Variants in TENM1 observed in about 807,000 individuals in gnomAD.
TENM1 encodes teneurin transmembrane protein 1, also known as teneurin-1.
Under a neutral mutation model 174.8 loss-of-function variants are expected in TENM1, and 35 were observed. That is an observed-to-expected ratio of 0.20 (90% CI 0.15 to 0.27). TENM1 has a LOEUF of 0.27. Ranked by LOEUF, TENM1 falls within the 10% of genes least tolerant of loss-of-function variation. The pLI is 1.00. For missense variants in TENM1, 1,633 were observed against 2,130.1 expected (o/e 0.77, Z 4.59); for synonymous variants, 781 against 798.7 (o/e 0.98, Z 0.37).
chrX:125,063,778 A>G, the TENM1 span, among the ~76,000 whole-genome samples: 154 of 111,584 alleles, frequency 1.4e-3, 1 homozygote, highest in African/African-American at 4.6e-3. Context: ...TAGAACTAGA[A>G]ATACCATTTG....
intron 3 of TENM1, among the ~76,000 whole-genome samples, chrX:124,764,681 G>C (rs1055270257): frequency 4.5e-5 from 4 of 88,741 alleles, no homozygotes; most frequent in African/African-American, 1.6e-4. Context: ...TGTTTGGACT[G>C]TTTTTTTTTT....
intron 5 of TENM1, among the ~76,000 whole-genome samples, chrX:124,688,050 C>CTCTCT (rs1179006772): frequency 9.2e-6 from 1 of 108,162 alleles, no homozygotes; most frequent in Non-Finnish European, 1.9e-5. Flanking sequence ...CTCTCCTCTC[C>CTCTCT]TCTCTTCTCT....
rs556889894 is a variant in TENM1 at position 124,697,247 on chromosome X, G to A, written c.1015+7766C>T. Among the ~76,000 whole-genome samples, 32 of 111,073 alleles carry A rather than the reference G, an allele frequency of 2.9e-4. No individual in the cohort carries two copies. The South Asian group carries it at 0.011, about 40-fold the overall frequency. On this transcript the variant is annotated intron_variant, in intron 5 of 31. Transcript: ENST00000422452. ...GGTCTATGTTAATTAGACTGGCAAC[G>A]CTTTGATGAGGCTTTGACGAGTAGA...
intron 4 of TENM1, among the ~76,000 whole-genome samples, chrX:124,720,853 T>C (rs1354668727): frequency 8.9e-6 from 1 of 111,886 alleles, no homozygotes; most frequent in Non-Finnish European, 1.9e-5. Context: ...TCTTCTTGCC[T>C]ATAGGAAATT....
intron 27 of TENM1, among the ~76,000 whole-genome samples, chrX:124,393,922 C>T (rs1424614851): frequency 1.8e-5 from 2 of 112,400 alleles, no homozygotes; most frequent in African/African-American, 3.2e-5. Context: ...GTGATGTTAC[C>T]ACTTTACACC....
At chrX:124,752,589 A>G (rs1603128596) in intron 3 of TENM1, among the ~76,000 whole-genome samples, 1 of 111,804 alleles carries the variant, frequency 8.9e-6, no homozygotes. Context: ...CTGAATGGTA[A>G]TGCCTAGATT....
intron 5 of TENM1, among the ~76,000 whole-genome samples, chrX:124,697,045 A>T (rs183795800): frequency 9.9e-5 from 11 of 111,431 alleles, no homozygotes; most frequent in Non-Finnish European, 1.5e-4. Context: ...CTTTAATATG[A>T]GCTAAATGAA....
intron 22 of TENM1, among the ~76,000 whole-genome samples, chrX:124,466,562 C>A (rs754561854): frequency 9.0e-6 from 1 of 111,619 alleles, no homozygotes; most frequent in Non-Finnish European, 1.9e-5. Flanking sequence ...TAATGTCATA[C>A]TGTTAAAATT....
chrX:124,503,568 G>A (rs1260670543), exon 19 of TENM1: 2 of 1,202,475 alleles, frequency 1.7e-6, no homozygotes, highest in Non-Finnish European at 2.2e-6. Flanking sequence ...ACCACTTTGA[G>A]GATTCAAAAT....
chrX:125,094,903 ATAAAACT>A, the TENM1 span, among the ~76,000 whole-genome samples: 1 of 112,242 alleles, frequency 8.9e-6, no homozygotes, highest in African/African-American at 3.2e-5. Context: ...TTTCTTATAG[ATAAAACT>A]TAAGAGCTTA....
At chrX:124,885,381 C>T (rs190348272) in intron 3 of TENM1, among the ~76,000 whole-genome samples, 20 of 110,322 alleles carry the variant, frequency 1.8e-4, no homozygotes, top group African/African-American at 6.2e-4. Context: ...CAGAAAGAGA[C>T]CTATCTTTGA....
chrX:124,667,762 C>T (rs899018409), intron 6 of TENM1, among the ~76,000 whole-genome samples: 2 of 110,277 alleles, frequency 1.8e-5, no homozygotes, highest in South Asian at 3.8e-4. Flanking sequence ...CTAGAGTGTT[C>T]GTAAATTTTT....
intron 4 of TENM1, among the ~76,000 whole-genome samples, chrX:124,724,058 T>C (rs765241611): frequency 8.9e-6 from 1 of 112,391 alleles, no homozygotes; most frequent in African/African-American, 3.2e-5. Flanking sequence ...TAGGAGAATA[T>C]TTTTTCTCTA....
At chrX:124,413,338 C>A (rs1446644360) in intron 25 of TENM1, among the ~76,000 whole-genome samples, 1 of 111,916 alleles carries the variant, frequency 8.9e-6, no homozygotes, top group Non-Finnish European at 1.9e-5. Context: ...AGGGAGGACA[C>A]AGTGTCTCAT....
chrX:125,175,818 T>C, the TENM1 span, among the ~76,000 whole-genome samples: 1 of 111,859 alleles, frequency 8.9e-6, no homozygotes, highest in African/African-American at 3.2e-5. Context: ...GTTACTATTG[T>C]AGAGTGCTTA....
the TENM1 span, among the ~76,000 whole-genome samples, chrX:125,012,173 A>T: frequency 1.8e-5 from 2 of 111,286 alleles, no homozygotes; most frequent in African/African-American, 6.6e-5. Flanking sequence ...AGCACACACC[A>T]GGGCCTGTCG....
intron 24 of TENM1, 152 bp from the exon 28 acceptor site, chrX:124,420,973 C>G (rs1311854469): frequency 1.6e-5 from 8 of 515,436 alleles, no homozygotes; most frequent in East Asian, 3.6e-5. Flanking sequence ...AAATATGAAG[C>G]CTATTATTCA....
intron 5 of TENM1, among the ~76,000 whole-genome samples, chrX:124,691,509 C>T (rs1401360488): frequency 1.8e-5 from 2 of 112,039 alleles, no homozygotes; most frequent in Non-Finnish European, 3.8e-5. Context: ...TCCGTGGAGA[C>T]GTAAACACGT....
chrX:124,545,428 C>T (rs1053922735), intron 15 of TENM1, among the ~76,000 whole-genome samples: 1 of 112,199 alleles, frequency 8.9e-6, no homozygotes, highest in African/African-American at 3.2e-5. Flanking sequence ...TGTCTCTTGT[C>T]TCTCTTAGGT....
Sources: gnomAD v4.1 joint callset for allele counts (sites outside exome capture counted in the v4.1 genomes callset) on GRCh38, gnomAD v4.1.1 for gene constraint, MANE v1.5 for transcripts, NCBI Gene and HGNC (gene_info 2026-07-23, HGNC 2026-07-21) for gene names.